Variants in RPS6KB1 observed in about 807,000 individuals in gnomAD.
The protein encoded by RPS6KB1 is ribosomal protein S6 kinase B1.
In RPS6KB1, 12 loss-of-function variants were observed where a neutral mutation model predicts 70.2. The observed-to-expected ratio is 0.17, with a 90% CI of 0.11 to 0.28. The LOEUF is 0.28. Ranked by LOEUF, RPS6KB1 falls within the 10% of genes least tolerant of loss-of-function variation. RPS6KB1 has a pLI of 1.00. For missense variants in RPS6KB1, 270 were observed against 646.6 expected (o/e 0.42, Z 6.32); for synonymous variants, 175 against 211.2 (o/e 0.83, Z 1.49).
At chr17:59,928,619 G>A (rs2043763521) in intron 5 of RPS6KB1, among the ~76,000 whole-genome samples, 1 of 152,018 alleles carries the variant, frequency 6.6e-6, no homozygotes, top group South Asian at 2.1e-4. Flanking sequence ...CAAAGTGCTG[G>A]GATTACAGGT....
At chr17:59,935,018 C>A (rs111386897) in intron 9 of RPS6KB1, 175 bp from the exon 10 acceptor site, 30 of 523,580 alleles carry the variant, frequency 5.7e-5, no homozygotes, top group African/African-American at 5.4e-4. Context: ...ATAGTTGAGA[C>A]CCTGTCTGTA....
At chr17:59,905,658 CAAT>C (rs2042223359) in intron 1 of RPS6KB1, among the ~76,000 whole-genome samples, 1 of 151,980 alleles carries the variant, frequency 6.6e-6, no homozygotes, top group Non-Finnish European at 1.5e-5. Flanking sequence ...GCTCCCGCCA[CAAT>C]GCCCGGCTAA....
intron 1 of RPS6KB1, among the ~76,000 whole-genome samples, chr17:59,901,625 GAAAAAAAAAAAA>G (rs58530265): frequency 3.7e-4 from 29 of 79,190 alleles, no homozygotes; most frequent in Admixed American, 7.9e-4. Context: ...CCCTGTCTCT[GAAAAAAAAAAAA>G]AAAAAAAAAG....
At chr17:59,918,356 A>ATTTTT (rs147240052) in intron 4 of RPS6KB1, among the ~76,000 whole-genome samples, 8 of 149,966 alleles carry the variant, frequency 5.3e-5, no homozygotes, top group African/African-American at 2.0e-4. Flanking sequence ...TGAGAGTTTT[A>ATTTTT]TTTTTTTTTA....
intron 7 of RPS6KB1, among the ~76,000 whole-genome samples, chr17:59,933,234 T>A (rs978307489): frequency 6.6e-6 from 1 of 151,982 alleles, no homozygotes; most frequent in African/African-American, 2.4e-5. Flanking sequence ...AATGATATAC[T>A]TAACTGAATA....
chr17:59,913,457 TA>T (rs1005122703), intron 3 of RPS6KB1, among the ~76,000 whole-genome samples: 2 of 152,234 alleles, frequency 1.3e-5, no homozygotes, highest in African/African-American at 4.8e-5. Flanking sequence ...TTCTTATGCT[TA>T]AGAACACATT....
chr17:59,915,557 C>T (rs146167301), intron 4 of RPS6KB1, among the ~76,000 whole-genome samples: 82 of 151,928 alleles, frequency 5.4e-4, no homozygotes, highest in African/African-American at 1.9e-3. Context: ...CCTCTGTCTC[C>T]CAGGTTCAAG....
chr17:59,893,343 CG>C lies in RPS6KB1; in HGVS notation c.141+23del. 1 of 1,587,856 alleles carries C rather than the reference CG, an allele frequency of 6.3e-7. No homozygotes were observed. Among genetic ancestry groups the C allele is most frequent in the Non-Finnish European group, 8.6e-7 (1 of 1,167,364 alleles). On this transcript the variant is annotated intron_variant, in intron 1 of 14. Transcript: ENST00000225577. The surrounding 1 kb of genome is among the most constrained non-coding windows in gnomAD (Gnocchi z 4.1). ...AGGAGGGGGTGAGGCCCGGGGTCCC[CG>C]GGGGCCCGAGGTGACAGGGCCGGGG...
Position 59,936,468 on chromosome 17 carries a change from A to T in RPS6KB1, c.1046A>T (p.His349Leu). ...TTCCTGCTTTTTTTTTCCTAGGCTC[A>T]TCCATTCTTTAGACACATTAACTGG... ...GPGDAGEVQAHPFFRHINWEE... is the reference protein window; with the variant it reads ...GPGDAGEVQALPFFRHINWEE... The change falls in exon 12 of 15, where the codon CAT (histidine) becomes CTT (leucine). Residue 349 changes from histidine to leucine, a missense_variant. Coordinates refer to ENST00000225577, the MANE Select transcript of RPS6KB1 (RefSeq NM_003161.4). 1 of 1,613,684 alleles carries T rather than the reference A, an allele frequency of 6.2e-7. No individual in the cohort carries two copies. Among genetic ancestry groups the T allele is most frequent in the South Asian group, 1.1e-5 (1 of 91,062 alleles).
chr17:59,943,531 T>C (rs984958241), intron 13 of RPS6KB1, among the ~76,000 whole-genome samples: 10 of 152,134 alleles, frequency 6.6e-5, no homozygotes, highest in African/African-American at 2.4e-4. Flanking sequence ...AGCAACTCAT[T>C]TGTTAGGTTG....
At chr17:59,945,344 C>A in intron 13 of RPS6KB1, 62 bp from the exon 14 acceptor site, 1 of 860,288 alleles carries the variant, frequency 1.2e-6, no homozygotes, top group Non-Finnish European at 1.9e-6. Context: ...GACTGAACAA[C>A]CCCATTCTCT....
At chr17:59,903,303 TC>T (rs2042068159) in intron 1 of RPS6KB1, among the ~76,000 whole-genome samples, 1 of 143,510 alleles carries the variant, frequency 7.0e-6, no homozygotes. Context: ...AGACTCTGTC[TC>T]AAAAAAAAAA....
intron 12 of RPS6KB1, among the ~76,000 whole-genome samples, chr17:59,939,608 CCCTTCGTTGAATG>C (rs1490064266): frequency 3.3e-5 from 5 of 152,200 alleles, no homozygotes; most frequent in African/African-American, 1.2e-4. Flanking sequence ...CTCAATTTTT[CCCTTCGTTGAATG>C]CTGGTGCAGT....
intron 4 of RPS6KB1, among the ~76,000 whole-genome samples, chr17:59,916,501 A>G (rs527780521): frequency 2.0e-5 from 3 of 152,142 alleles, no homozygotes; most frequent in Admixed American, 6.5e-5. Flanking sequence ...TGAATCTACT[A>G]TTGTCCTCTG....
chr17:59,901,540 A>G (rs2041945668), intron 1 of RPS6KB1, among the ~76,000 whole-genome samples: 1 of 148,790 alleles, frequency 6.7e-6, no homozygotes. Context: ...CTGTAATCCC[A>G]GTACTTTGGG....
At chr17:59,909,981 C>T (rs939474067) in intron 1 of RPS6KB1, among the ~76,000 whole-genome samples, 1 of 151,868 alleles carries the variant, frequency 6.6e-6, no homozygotes, top group South Asian at 2.1e-4. Context: ...CACTGCACTC[C>T]AGCCTGGGCA....
Position 59,922,700 on chromosome 17 carries a change from G to A in RPS6KB1, c.382-3735G>A, listed in dbSNP as rs550978394. On this transcript the variant is annotated intron_variant, in intron 4 of 14. Transcript: ENST00000225577. ...GCTGAGACTACAGGCGTGCGCCATC[G>A]CGCCCAGCTAATTTTTTGTATTTTT... 5.3e-5 allele frequency among the ~76,000 whole-genome samples: 8 copies of A among 150,146 alleles called. No individual in the cohort carries two copies. The South Asian group carries it at 1.1e-3, about 20-fold the overall frequency.
intron 4 of RPS6KB1, among the ~76,000 whole-genome samples, chr17:59,918,282 T>G (rs1429300760): frequency 6.6e-6 from 1 of 152,168 alleles, no homozygotes; most frequent in Non-Finnish European, 1.5e-5. Flanking sequence ...TCTCCAGAAT[T>G]CTTTCTGTTG....
chr17:59,906,657 C>T (rs940150228), intron 1 of RPS6KB1, among the ~76,000 whole-genome samples: 2 of 151,916 alleles, frequency 1.3e-5, no homozygotes, highest in African/African-American at 2.4e-5. Context: ...CCACCACACC[C>T]GGCCTGGCTC....
Sources: gnomAD v4.1 joint callset for allele counts (sites outside exome capture counted in the v4.1 genomes callset) on GRCh38, gnomAD v4.1.1 for gene constraint, Gnocchi (gnomAD v3.1) non-coding constraint, MANE v1.5 for transcripts, NCBI Gene and HGNC (gene_info 2026-07-23, HGNC 2026-07-21) for gene names.